The following ZFP1 variants were observed in gnomAD, a reference collection of about 807,000 sequenced individuals.
The protein encoded by ZFP1 is ZFP1 zinc finger protein.
Under a neutral mutation model 38.5 loss-of-function variants are expected in ZFP1, and 32 were observed. The observed-to-expected ratio is 0.83, with a 90% CI of 0.63 to 1.12. The LOEUF (loss-of-function observed/expected upper bound fraction) is 1.12, where lower values mean the gene tolerates loss of function less well. Ranked by LOEUF, ZFP1 falls within the 50% of genes most tolerant of loss-of-function variation. ZFP1 has a pLI of 0.00. For missense variants in ZFP1, 616 were observed against 480.8 expected, an observed-to-expected ratio of 1.28 and a Z score of -2.63; for synonymous variants, 245 against 168.8, an observed-to-expected ratio of 1.45 and a Z score of -3.50.
chr16:75,128,462 T>G, the ZFP1 span, among the ~76,000 whole-genome samples: 1 of 152,240 alleles, frequency 6.6e-6, no homozygotes, highest in Non-Finnish European at 1.5e-5. Flanking sequence ...TGATTTGTCT[T>G]TAGTAAAAAT....
intron 2 of ZFP1, among the ~76,000 whole-genome samples, chr16:75,165,481 A>C (rs1337305184): frequency 6.6e-6 from 1 of 151,250 alleles, no homozygotes; most frequent in Non-Finnish European, 1.5e-5. Flanking sequence ...TGCAGCCTCC[A>C]CCTCCCAGGT....
chr16:75,154,461 G>T (rs779461391), intron 2 of ZFP1, among the ~76,000 whole-genome samples: 22 of 152,104 alleles, frequency 1.4e-4, no homozygotes, highest in Non-Finnish European at 2.9e-4. Flanking sequence ...AAATACCAAG[G>T]CCCCTGGATC....
the ZFP1 span, among the ~76,000 whole-genome samples, chr16:75,136,698 A>G: frequency 6.6e-6 from 1 of 152,044 alleles, no homozygotes; most frequent in Admixed American, 6.5e-5. Flanking sequence ...GTGAAACCCC[A>G]TCTCCACAAA....
chr16:75,155,826 C>G (rs1453230970), intron 2 of ZFP1, among the ~76,000 whole-genome samples: 1 of 152,112 alleles, frequency 6.6e-6, no homozygotes, highest in African/African-American at 2.4e-5. Context: ...TAAACTATAA[C>G]TGGGATTAAT....
chr16:75,130,007 G>GT, the ZFP1 span, among the ~76,000 whole-genome samples: 11 of 151,626 alleles, frequency 7.3e-5, no homozygotes, highest in Admixed American at 1.3e-4. Flanking sequence ...TTTGTTTTTT[G>GT]TTTTTTTTCA....
the ZFP1 span, among the ~76,000 whole-genome samples, chr16:75,139,071 C>G: frequency 6.6e-6 from 1 of 151,922 alleles, no homozygotes; most frequent in African/African-American, 2.4e-5. Flanking sequence ...AGTAATCCCT[C>G]AAAACTGTCA....
rs1271405584 is a variant in ZFP1 at position 75,169,708 on chromosome 16, A to T, written c.598A>T (p.Ile200Phe). The change falls in exon 4 of 4, where the codon ATT (isoleucine) becomes TTT (phenylalanine). Residue 200 changes from isoleucine to phenylalanine, a missense_variant. Physicochemically the swap from Ile to Phe is conservative, Grantham distance 21 (BLOSUM62 0). Transcript: ENST00000570010. ...GGCTTTCTCCTTTAAGTCACTCCTC[A>T]TTAGTCATAAGAGAATACATACTGG... ...DKAFSFKSLLISHKRIHTGEK... is the reference protein window; with the variant it reads ...DKAFSFKSLLFSHKRIHTGEK... 6.2e-7 allele frequency: 1 copy of T among 1,612,860 alleles called. No individual in the cohort carries two copies. The highest frequency in any genetic ancestry group is 2.2e-5 in the East Asian group (1 of 44,866).
At chr16:75,165,660 T>A (rs987172994) in intron 2 of ZFP1, among the ~76,000 whole-genome samples, 1 of 152,176 alleles carries the variant, frequency 6.6e-6, no homozygotes, top group Non-Finnish European at 1.5e-5. Flanking sequence ...GTGCTGGGAT[T>A]ACAGGCCTGA....
intron 2 of ZFP1, among the ~76,000 whole-genome samples, chr16:75,163,129 G>A (rs1383289243): frequency 6.6e-6 from 1 of 151,450 alleles, no homozygotes; most frequent in African/African-American, 2.4e-5. Flanking sequence ...GGTTGGTCTC[G>A]AACTCCTGAC....
In ZFP1 at chr16:75,170,570, C is replaced by A; in HGVS notation, c.*236C>A. 1 of 469,258 alleles carries A rather than the reference C, an allele frequency of 2.1e-6. No individual in the cohort carries two copies. Among genetic ancestry groups the A allele is most frequent in the Non-Finnish European group, 3.5e-6 (1 of 288,730 alleles). The allele number at this position is 469,258 out of a possible 1,614,324, so 29.1% of individuals were successfully genotyped here. ...TTGTAAATAGCCATACCCAGTTGTA[C>A]TACAATGAGCTTTTTAAAATCTTGA... On this transcript the variant is annotated 3_prime_UTR_variant, in exon 4 of 4. Coordinates refer to ENST00000570010, the MANE Select transcript of ZFP1 (RefSeq NM_153688.4).
At chr16:75,165,682 T>G (rs1304068414) in intron 2 of ZFP1, among the ~76,000 whole-genome samples, 1 of 152,052 alleles carries the variant, frequency 6.6e-6, no homozygotes, top group Non-Finnish European at 1.5e-5. Flanking sequence ...CCTGGCCACC[T>G]CTGGGGTTTT....
chr16:75,122,852 T>G, the ZFP1 span, among the ~76,000 whole-genome samples: 4 of 152,260 alleles, frequency 2.6e-5, no homozygotes, highest in Non-Finnish European at 5.9e-5. Context: ...ATGGAGTCAC[T>G]TAGGTGCAAT....
chr16:75,142,811 C>T, the ZFP1 span, among the ~76,000 whole-genome samples: 1 of 152,130 alleles, frequency 6.6e-6, no homozygotes, highest in Non-Finnish European at 1.5e-5. Flanking sequence ...AAGTGATTCT[C>T]CTGCCTCAGC....
intron 2 of ZFP1, chr16:75,157,264 T>TG (rs1340668140): frequency 1.2e-3 from 176 of 141,940 alleles, no homozygotes; most frequent in African/African-American, 4.7e-3. Context: ...TTTTTTTTTT[T>TG]GAGACAGTCT....
chr16:75,166,675 TATAG>T lies in ZFP1; in HGVS notation c.16-92_16-89del, dbSNP rs1250846596. On this transcript the variant is annotated intron_variant, in intron 2 of 3. Coordinates refer to ENST00000570010, the MANE Select transcript of ZFP1 (RefSeq NM_153688.4). ...AACAAGATGTATCGTTGGTGTAATA[TATAG>T]ATTTTCATGATGAATGACATAAAGT... The T allele has an allele frequency of 2.5e-6, 4 of 1,599,238 alleles. No individual in the cohort carries two copies. The Admixed American group carries it at 6.9e-5, about 28-fold the overall frequency.
the ZFP1 span, among the ~76,000 whole-genome samples, chr16:75,124,121 A>G: frequency 1.3e-5 from 2 of 151,752 alleles, no homozygotes; most frequent in South Asian, 2.1e-4. Flanking sequence ...AATAAAAAAT[A>G]AGTGTGTCCT....
the ZFP1 span, among the ~76,000 whole-genome samples, chr16:75,134,659 G>A: frequency 6.6e-6 from 1 of 151,962 alleles, no homozygotes; most frequent in African/African-American, 2.4e-5. Flanking sequence ...GGCTGAGGCA[G>A]GAGAATGGCG....
intron 2 of ZFP1, among the ~76,000 whole-genome samples, chr16:75,166,377 G>A (rs1043633466): frequency 2.6e-5 from 4 of 152,156 alleles, no homozygotes; most frequent in African/African-American, 7.2e-5. Flanking sequence ...GGGAGTACAG[G>A]CATGTGCCAC....
chr16:75,164,074 A>G (rs1597072946), intron 2 of ZFP1, among the ~76,000 whole-genome samples: 1 of 152,182 alleles, frequency 6.6e-6, no homozygotes, highest in East Asian at 1.9e-4. Flanking sequence ...TGTTATGTGC[A>G]TTTTTTGGAA....
Sources: gnomAD v4.1 joint callset for allele counts (sites outside exome capture counted in the v4.1 genomes callset) on GRCh38, gnomAD v4.1.1 for gene constraint, MANE v1.5 for transcripts, NCBI Gene and HGNC (gene_info 2026-07-23, HGNC 2026-07-21) for gene names.